Variants in CERS6 observed in about 807,000 individuals in gnomAD.
The protein encoded by CERS6 is ceramide synthase 6, also known as LAG1 homolog, ceramide synthase 6.
CERS6 carries 26 observed loss-of-function variants against 56.8 expected under a neutral mutation model. That is an observed-to-expected ratio of 0.46 (90% CI 0.34 to 0.63). CERS6 has a LOEUF of 0.63. CERS6 is among the 30% of genes least tolerant of loss of function. The pLI is 0.01. For missense variants in CERS6, 415 were observed against 467.5 expected (o/e 0.89, Z 1.04); for synonymous variants, 164 against 173.3 (o/e 0.95, Z 0.42).
intron 1 of CERS6, among the ~76,000 whole-genome samples, chr2:168,527,981 A>G (rs560018175): frequency 6.6e-6 from 1 of 152,016 alleles, no homozygotes; most frequent in Admixed American, 6.5e-5. Flanking sequence ...TAGACCTTCC[A>G]AAAATGCTGG....
intron 6 of CERS6, among the ~76,000 whole-genome samples, chr2:168,711,721 G>A (rs1215522514): frequency 8.1e-6 from 1 of 123,430 alleles, no homozygotes; most frequent in Non-Finnish European, 1.6e-5. Context: ...GTGACAGAGC[G>A]AGACTGTCTC....
chr2:168,725,214 G>T (rs1006229433), intron 8 of CERS6, among the ~76,000 whole-genome samples: 7 of 152,244 alleles, frequency 4.6e-5, no homozygotes, highest in African/African-American at 1.7e-4. Flanking sequence ...CCAAGCCCAC[G>T]CCCACCCGGA....
intron 3 of CERS6, among the ~76,000 whole-genome samples, chr2:168,628,992 A>G (rs1427377503): frequency 2.6e-5 from 4 of 151,898 alleles, no homozygotes; most frequent in African/African-American, 9.7e-5. Flanking sequence ...AACATATGAA[A>G]CTCCACAACT....
Position 168,670,972 on chromosome 2 carries a change from C to CA in CERS6, c.466-20062_466-20061insA, listed in dbSNP as rs1400204725. On this transcript the variant is annotated intron_variant, in intron 4 of 9. Transcript: ENST00000305747. ...CAGGTGCTGGATACATGCTTCCCCC[C>CA]CCCCCCCCAGACGGAAGCTTGCTCT... Among the ~76,000 whole-genome samples, 4 of 61,490 alleles carry CA rather than the reference C, an allele frequency of 6.5e-5. 1 individual carries two copies. Among genetic ancestry groups the CA allele is most frequent in the East Asian group, 5.1e-4 (1 of 1,980 alleles). The allele number at this position is 61,490 out of a possible 152,430, so 40.3% of individuals were successfully genotyped here. A position where few individuals can be genotyped will look rare whatever the true frequency, so the allele number is the denominator to read the frequency against.
At chr2:168,676,671 G>A (rs1323743939) in intron 4 of CERS6, among the ~76,000 whole-genome samples, 1 of 152,166 alleles carries the variant, frequency 6.6e-6, no homozygotes, top group Non-Finnish European at 1.5e-5. Context: ...TCATACTTTT[G>A]TATCAAAATG....
At chr2:168,668,247 C>A (rs1438717586) in intron 4 of CERS6, among the ~76,000 whole-genome samples, 1 of 152,098 alleles carries the variant, frequency 6.6e-6, no homozygotes, top group African/African-American at 2.4e-5. Flanking sequence ...CTTTCCTAAC[C>A]CCATTATTCC....
intron 2 of CERS6, among the ~76,000 whole-genome samples, chr2:168,557,995 A>G (rs1695714804): frequency 6.6e-6 from 1 of 152,234 alleles, no homozygotes; most frequent in Non-Finnish European, 1.5e-5. Flanking sequence ...TATACTCTTC[A>G]TAAAAAAATG....
intron 4 of CERS6, among the ~76,000 whole-genome samples, chr2:168,634,255 T>A (rs576261956): frequency 2.0e-5 from 3 of 152,236 alleles, no homozygotes; most frequent in South Asian, 4.1e-4. Context: ...CTCATACTTA[T>A]AATTAGCAGA....
At chr2:168,734,835 G>A (rs888507847) in intron 8 of CERS6, among the ~76,000 whole-genome samples, 10 of 152,146 alleles carry the variant, frequency 6.6e-5, no homozygotes, top group African/African-American at 9.7e-5. Context: ...TTCATTTCAT[G>A]CCTTCTGCTA....
chr2:168,687,989 C>T (rs1373894708), intron 4 of CERS6, among the ~76,000 whole-genome samples: 4 of 152,162 alleles, frequency 2.6e-5, no homozygotes, highest in Admixed American at 1.3e-4. Context: ...CAGGTGTGAG[C>T]CACAATGACT....
Position 168,697,545 on chromosome 2 carries a change from C to T in CERS6, c.609+2494C>T, listed in dbSNP as rs563268263. On this transcript the variant is annotated intron_variant, in intron 6 of 9. Transcript: ENST00000305747. Reference sequence around the variant, plus strand: ...ACTCTTATATAACAGAGAGCTAGAACATTCTTCCTTTTTTTTTTTTTTTAA... The same window carrying T: ...ACTCTTATATAACAGAGAGCTAGAATATTCTTCCTTTTTTTTTTTTTTTAA... Among the ~76,000 whole-genome samples the T allele has an allele frequency of 2.4e-3, 330 of 139,224 alleles. 1 individual carries two copies. Among genetic ancestry groups the T allele is most frequent in the Middle Eastern group, 7.8e-3 (2 of 256 alleles). 91.3% of individuals were successfully genotyped at this position (139,224 alleles called of 152,430 possible).
intron 1 of CERS6, among the ~76,000 whole-genome samples, chr2:168,474,724 A>T (rs977543584): frequency 1.3e-5 from 2 of 152,226 alleles, no homozygotes; most frequent in Non-Finnish European, 2.9e-5. Flanking sequence ...ACTTTGCAAC[A>T]TCTATTGCAA....
At position 168,672,941 on chromosome 2, in the gene CERS6, A is replaced by T. The variant is rs147419870; in HGVS notation, c.466-18093A>T. Among the ~76,000 whole-genome samples the T allele has an allele frequency of 1.4e-3, 213 of 152,364 alleles. 3 individuals carry two copies. Among genetic ancestry groups the T allele is most frequent in the Admixed American group, 0.012 (189 of 15,300 alleles). On this transcript the variant is annotated intron_variant, in intron 4 of 9. Coordinates refer to ENST00000305747, the MANE Select transcript of CERS6 (RefSeq NM_203463.3). ...AGAGATCAATTCCTTCCTTGTAATT[A>T]ACTGAGGAACTCAAAGGATAATTTC... is the stretch of plus-strand genomic sequence containing the variant.
Position 168,772,452 on chromosome 2 carries a change from AC to A in CERS6, c.*2792del, listed in dbSNP as rs950926655. ...GTATGTTTCTCCAAAAAGTGATAAA[AC>A]CAAAATATCACTGACTCATCCCTAC... On this transcript the variant is annotated 3_prime_UTR_variant, in exon 10 of 10. Transcript: ENST00000305747. 4 of 152,574 alleles carry A rather than the reference AC, an allele frequency of 2.6e-5. No individual in the cohort carries two copies. The highest frequency in any genetic ancestry group is 9.7e-5 in the African/African-American group (4 of 41,416). 9.5% of individuals were successfully genotyped at this position (152,574 alleles called of 1,614,324 possible). A position where few individuals can be genotyped will look rare whatever the true frequency, so the allele number is the denominator to read the frequency against.
Position 168,456,933 on chromosome 2 carries a change from C to T in CERS6, c.170+315C>T, listed in dbSNP as rs1414356513. Among the ~76,000 whole-genome samples, 4 of 152,166 alleles carry T rather than the reference C, an allele frequency of 2.6e-5. No homozygotes were observed. Among genetic ancestry groups the T allele is most frequent in the Non-Finnish European group, 5.9e-5 (4 of 68,026 alleles). On this transcript the variant is annotated intron_variant, in intron 1 of 9. Transcript: ENST00000305747. This position sits in a 1 kb window ranked among gnomAD's most constrained non-coding sequence, Gnocchi z 4.1. ...CGAACAAAGGTGAGCGGTGGTCGGG[C>T]TCAGGACCCGCCGCATTCCGCGGGG...
At chr2:168,573,083 A>T (rs569718206) in intron 3 of CERS6, among the ~76,000 whole-genome samples, 1 of 152,260 alleles carries the variant, frequency 6.6e-6, no homozygotes, top group South Asian at 2.1e-4. Context: ...TGGTGGTTAC[A>T]TGGACCAAAT....
At chr2:168,686,723 C>T (rs1333329620) in intron 4 of CERS6, among the ~76,000 whole-genome samples, 1 of 152,086 alleles carries the variant, frequency 6.6e-6, no homozygotes, top group Non-Finnish European at 1.5e-5. Flanking sequence ...TGGAAGAGCC[C>T]AGCTGGCCTA....
In CERS6 at chr2:168,592,410, TG is replaced by T. The variant is rs200830296; in HGVS notation, c.407+31092del. Among the ~76,000 whole-genome samples the T allele has an allele frequency of 7.6e-3, 1,159 of 151,864 alleles. 44 individuals carry two copies. Among genetic ancestry groups the T allele is most frequent in the Admixed American group, 0.063 (963 of 15,270 alleles). On this transcript the variant is annotated intron_variant, in intron 3 of 9. Transcript: ENST00000305747. Reference sequence around the variant, plus strand: ...GGCTAGAGAAGCAGATGGGGCCAAGTGGGGAGGGCTCTGGAAGCCAGCAGCA... The same window carrying T: ...GGCTAGAGAAGCAGATGGGGCCAAGTGGGAGGGCTCTGGAAGCCAGCAGCA...
intron 8 of CERS6, among the ~76,000 whole-genome samples, chr2:168,719,044 A>G (rs1687296307): frequency 6.6e-6 from 1 of 152,080 alleles, no homozygotes; most frequent in African/African-American, 2.4e-5. Context: ...CCTTTTCCAT[A>G]TTGTTTAGGT....
Sources: allele counts gnomAD v4.1 joint callset (sites outside exome capture counted in the v4.1 genomes callset), GRCh38; gene constraint gnomAD v4.1.1; non-coding constraint Gnocchi (gnomAD v3.1); transcripts MANE v1.5; gene names NCBI Gene and HGNC (gene_info 2026-07-23, HGNC 2026-07-21).